CLTCL1: variants seen among roughly 807,000 people sequenced by gnomAD.
CLTCL1 encodes the protein clathrin heavy chain 2.
CLTCL1 carries 159 observed loss-of-function variants against 190.0 expected under a neutral mutation model. The ratio of observed to expected loss-of-function variants is 0.84; its 90% CI spans 0.74 to 0.95. The LOEUF (loss-of-function observed/expected upper bound fraction) is 0.95, where lower values mean the gene tolerates loss of function less well. CLTCL1 is among the 40% of genes least tolerant of loss of function. The pLI, the probability that CLTCL1 is intolerant of heterozygous loss-of-function variation, is 0.00. For missense variants in CLTCL1, 1,878 were observed against 2,033.4 expected (o/e 0.92, Z 1.47); for synonymous variants, 752 against 769.6 (o/e 0.98, Z 0.38).
chr22:19,282,869 T>A (rs2087769138), intron 1 of CLTCL1, among the ~76,000 whole-genome samples: 1 of 150,362 alleles, frequency 6.7e-6, no homozygotes, highest in East Asian at 2.0e-4. Context: ...TTTCTTTCTT[T>A]CCTTTTTTTT....
intron 2 of CLTCL1, 36 bp from the exon 3 acceptor site, chr22:19,254,263 A>T (rs782586405): frequency 1.3e-6 from 2 of 1,552,500 alleles, no homozygotes; most frequent in Non-Finnish European, 1.8e-6. Flanking sequence ...GAGAAAGACA[A>T]ATTAAAAATC....
chr22:19,222,220 C>T (rs550477185), intron 15 of CLTCL1, 127 bp from the exon 16 acceptor site: 230 of 859,004 alleles, frequency 2.7e-4, no homozygotes, highest in Non-Finnish European at 3.7e-4. Context: ...CTGTGTCCCA[C>T]CAAAATTCAC....
intron 19 of CLTCL1, among the ~76,000 whole-genome samples, chr22:19,215,375 A>G (rs2085350080): frequency 6.6e-6 from 1 of 152,244 alleles, no homozygotes. Context: ...TTATGATGTG[A>G]GTTGATTAAA....
intron 13 of CLTCL1, among the ~76,000 whole-genome samples, chr22:19,225,154 C>T (rs2085699627): frequency 6.6e-6 from 1 of 152,192 alleles, no homozygotes; most frequent in Non-Finnish European, 1.5e-5. Context: ...ACGACACAGG[C>T]TTTTAGATGA....
Position 19,196,282 on chromosome 22 carries a change from T to C in CLTCL1, c.4175A>G (p.Lys1392Arg). 6.2e-7 allele frequency: 1 copy of C among 1,613,534 alleles called. No individual in the cohort carries two copies. Among genetic ancestry groups the C allele is most frequent in the African/African-American group, 1.3e-5 (1 of 75,044 alleles). ...PTEAWKEGQF[K>R]DIITKVANVE... The stretch of plus-strand genomic sequence containing the variant: ...CCCTCTTACCTTGGTAATGATGTCC[T>C]TGAACTGACCCTCCTTCCAGGCCTC... Residue 1392 changes from lysine (K) to arginine (R), a missense_variant, in exon 26 of 33, where the codon AAG becomes AGG. Coordinates refer to ENST00000427926, the MANE Select transcript of CLTCL1 (RefSeq NM_007098.4).
intron 1 of CLTCL1, among the ~76,000 whole-genome samples, chr22:19,281,266 G>A (rs1555986518): frequency 1.4e-5 from 2 of 145,860 alleles, no homozygotes; most frequent in Non-Finnish European, 3.0e-5. Flanking sequence ...CTGCACTCTA[G>A]CCTGGGCGAC....
At position 19,233,421 on chromosome 22, in the gene CLTCL1, C is replaced by T; in HGVS notation, c.1368+1G>A. On this transcript the variant is annotated splice_donor_variant, in intron 8 of 32. Coordinates refer to ENST00000427926, the MANE Select transcript of CLTCL1 (RefSeq NM_007098.4). LOFTEE classifies it high-confidence loss of function. ...GGCTACGAGCTCACAAGTGTTTCTA[C>T]CTTATCTTCTTTCAGCCACTTCTCT... 1 of 1,613,538 alleles carries T rather than the reference C, an allele frequency of 6.2e-7. No individual in the cohort carries two copies. The highest frequency in any genetic ancestry group is 8.5e-7 in the Non-Finnish European group (1 of 1,179,664).
intron 22 of CLTCL1, among the ~76,000 whole-genome samples, chr22:19,206,889 A>C (rs1555943034): frequency 6.6e-6 from 1 of 152,058 alleles, no homozygotes; most frequent in Admixed American, 6.5e-5. Context: ...CGGACTCCAC[A>C]ATTATTTAGA....
intron 23 of CLTCL1, 27 bp from the exon 24 acceptor site, chr22:19,199,868 G>A (rs372006442): frequency 4.0e-6 from 6 of 1,515,438 alleles, no homozygotes; most frequent in Non-Finnish European, 3.6e-6. Flanking sequence ...AAGCGTGAGG[G>A]TCCCCAAGAC....
chr22:19,207,010 ATTTTTTT>A (rs781980213), intron 22 of CLTCL1, among the ~76,000 whole-genome samples: 9 of 92,784 alleles, frequency 9.7e-5, no homozygotes, highest in African/African-American at 3.5e-4. Flanking sequence ...TAAACTACTA[ATTTTTTT>A]TTTTTTTTTT....
Position 19,179,930 on chromosome 22 carries a change from C to A in CLTCL1, c.*60G>T. On this transcript the variant is annotated 3_prime_UTR_variant, in exon 33 of 33. Transcript: ENST00000427926. ...GGCGAAGTTGGGAGCAGAGGCATATCCATAGGGGAAGCTGGCAGGGGCTGG... is the reference window on the plus strand; with the variant it reads ...GGCGAAGTTGGGAGCAGAGGCATATACATAGGGGAAGCTGGCAGGGGCTGG... 1.9e-6 allele frequency: 1 copy of A among 525,914 alleles called. No homozygotes were observed. The highest frequency in any genetic ancestry group is 3.4e-6 in the Non-Finnish European group (1 of 292,614). 32.6% of individuals were successfully genotyped at this position (525,914 alleles called of 1,614,324 possible).
At chr22:19,183,290 C>A in intron 30 of CLTCL1, 100 bp downstream of exon 30, 1 of 1,029,396 alleles carries the variant, frequency 9.7e-7, no homozygotes, top group Non-Finnish European at 1.4e-6. Flanking sequence ...TCTGGGTTGG[C>A]CTCAAAGGGG....
intron 1 of CLTCL1, among the ~76,000 whole-genome samples, chr22:19,283,118 C>T (rs754210588): frequency 3.3e-5 from 5 of 151,712 alleles, no homozygotes; most frequent in Non-Finnish European, 7.4e-5. Flanking sequence ...GTGATCCACC[C>T]GCCTCGGCCT....
chr22:19,194,104 T>G (rs1473515720), intron 26 of CLTCL1, among the ~76,000 whole-genome samples: 10 of 152,280 alleles, frequency 6.6e-5, no homozygotes, highest in African/African-American at 2.2e-4. Context: ...AGAGTGCTGA[T>G]TGGTACGTTT....
intron 17 of CLTCL1, 50 bp from the exon 18 acceptor site, chr22:19,220,057 C>T (rs375664010): frequency 5.9e-4 from 947 of 1,611,358 alleles, no homozygotes; most frequent in Non-Finnish European, 7.5e-4. Flanking sequence ...CCAGCGGAAG[C>T]TGCTTGGGAG....
intron 3 of CLTCL1, among the ~76,000 whole-genome samples, chr22:19,252,566 A>G (rs1555970476): frequency 6.6e-6 from 1 of 152,336 alleles, no homozygotes. Flanking sequence ...AACATGTGAC[A>G]GTTCCTTAAT....
At chr22:19,230,206 C>T (rs1288482972) in intron 10 of CLTCL1, among the ~76,000 whole-genome samples, 1 of 151,334 alleles carries the variant, frequency 6.6e-6, no homozygotes, top group African/African-American at 2.4e-5. Flanking sequence ...TGGGTTCAAG[C>T]GATTCTCCTG....
intron 2 of CLTCL1, among the ~76,000 whole-genome samples, chr22:19,275,011 G>C (rs1555982456): frequency 6.6e-6 from 1 of 152,156 alleles, no homozygotes; most frequent in African/African-American, 2.4e-5. Flanking sequence ...TTACAGGCAT[G>C]AGTCACTGCG....
intron 30 of CLTCL1, chr22:19,181,487 G>T (rs2084136499): frequency 6.6e-6 from 1 of 152,480 alleles, no homozygotes; most frequent in African/African-American, 2.4e-5. Flanking sequence ...GGGGTCTGGG[G>T]GGGGCTGAGA....
Sources: gnomAD v4.1 joint callset for allele counts (sites outside exome capture counted in the v4.1 genomes callset) on GRCh38, gnomAD v4.1.1 for gene constraint, MANE v1.5 for transcripts, NCBI Gene and HGNC (gene_info 2026-07-23, HGNC 2026-07-21) for gene names.